The following FSIP2 variants were observed in gnomAD, a reference collection of about 807,000 sequenced individuals.
The protein encoded by FSIP2 is fibrous sheath interacting protein 2.
FSIP2 carries 367 observed loss-of-function variants against 510.5 expected under a neutral mutation model. The observed-to-expected ratio is 0.72, with a 90% CI of 0.66 to 0.78. FSIP2 has a LOEUF of 0.78. Among genes scored for constraint, FSIP2 ranks in the 30% least tolerant of loss-of-function variants. The probability of loss-of-function intolerance (pLI) is 0.00; values close to 1 mark genes in which losing one functional copy is unlikely to be tolerated. For synonymous variants in FSIP2, 2,601 were observed against 2,732.2 expected, an observed-to-expected ratio of 0.95 and a Z score of 1.50; for missense variants, 7,594 against 7,901.7, an observed-to-expected ratio of 0.96 and a Z score of 1.48.
chr2:185,791,293 C>A lies in FSIP2; in HGVS notation c.4157C>A (p.Ala1386Glu). 1 of 1,534,074 alleles carries A rather than the reference C, an allele frequency of 6.5e-7. No individual in the cohort carries two copies. The highest frequency in any genetic ancestry group is 8.7e-7 in the Non-Finnish European group (1 of 1,145,532). ...CTCTCTTCTCGTAAGCCAAAGTCTG[C>A]AACTGACAGTGTTGATGTACAAAGC... ...ISLSSRKPKS[A>E]TDSVDVQSIL... Residue 1386 changes from alanine (A) to glutamate (E), a missense_variant, in exon 16 of 23, where the codon GCA becomes GAA. Physicochemically the swap from Ala to Glu is moderately radical, Grantham distance 107. Transcript: ENST00000424728.
chr2:185,807,318 T>A lies in FSIP2; in HGVS notation c.18012T>A (p.Tyr6004Ter). ...AAGAATGTCAAACTTCATCACCATA[T>A]ACAATAATATTACCTCATAAATTTT... is the stretch of plus-strand genomic sequence containing the variant. ...ASKECQTSSP[Y>*]TIILPHKFLE... Residue 6004 changes from tyrosine to a stop codon, truncating the protein, a stop_gained, in exon 17 of 23, where the codon TAT becomes TAA. Coordinates refer to ENST00000424728, the MANE Select transcript of FSIP2 (RefSeq NM_173651.4). LOFTEE classifies it high-confidence loss of function. 2.5e-6 allele frequency: 4 copies of A among 1,612,490 alleles called. No homozygotes were observed. Among genetic ancestry groups the A allele is most frequent in the Non-Finnish European group, 3.4e-6 (4 of 1,179,134 alleles).
In FSIP2 at chr2:185,803,381, A is replaced by G. The variant is rs1407711482; in HGVS notation, c.14075A>G (p.Asp4692Gly). The G allele has an allele frequency of 6.5e-7, 1 of 1,533,180 alleles. No individual in the cohort carries two copies. The highest frequency in any genetic ancestry group is 8.7e-7 in the Non-Finnish European group (1 of 1,144,964). The allele number at this position is 1,533,180 out of a possible 1,614,324, so 95.0% of individuals were successfully genotyped here. A position where few individuals can be genotyped will look rare whatever the true frequency, so the allele number is the denominator to read the frequency against. ...CTGTGTTTACCTCCAGTGGAGAGGG[A>G]TGTAGTCAAAACAATTGTTGACATG... The part of the protein sequence containing the change: ...ERLCLPPVER[D>G]VVKTIVDMVY... Residue 4692 changes from aspartate to glycine, a missense_variant, in exon 17 of 23, where the codon GAT becomes GGT. Transcript: ENST00000424728.
intron 13 of FSIP2, among the ~76,000 whole-genome samples, chr2:185,768,848 A>G (rs1367983218): frequency 6.6e-6 from 1 of 152,006 alleles, no homozygotes; most frequent in Admixed American, 6.6e-5. Context: ...TTTTCTCATC[A>G]TTTAGCTCCC....
In FSIP2 at chr2:185,793,770, G is replaced by C. The variant is rs1381545220; in HGVS notation, c.6634G>C (p.Glu2212Gln). The change falls in exon 16 of 23, where the codon GAG becomes CAG. Residue 2212 changes from glutamate (E) to glutamine (Q), a missense_variant. Coordinates refer to ENST00000424728, the MANE Select transcript of FSIP2 (RefSeq NM_173651.4). ...LKGSKTERKT[E>Q]RFSYSRNQKS... ...GGGGTCAAAAACTGAAAGAAAAACAGAGCGTTTTTCATATTCAAGAAATCA... is the reference window on the plus strand; with the variant it reads ...GGGGTCAAAAACTGAAAGAAAAACACAGCGTTTTTCATATTCAAGAAATCA... 8 of 1,532,606 alleles carry C rather than the reference G, an allele frequency of 5.2e-6. No homozygotes were observed. Among genetic ancestry groups the C allele is most frequent in the African/African-American group, 1.4e-5 (1 of 72,716 alleles). The allele number at this position is 1,532,606 out of a possible 1,614,324, so 94.9% of individuals were successfully genotyped here. A position where few individuals can be genotyped will look rare whatever the true frequency, so the allele number is the denominator to read the frequency against.
intron 13 of FSIP2, among the ~76,000 whole-genome samples, chr2:185,779,448 T>C (rs902832952): frequency 6.6e-6 from 1 of 152,080 alleles, no homozygotes; most frequent in Non-Finnish European, 1.5e-5. Flanking sequence ...ATACAATGTA[T>C]AGTGATAAGT....
At chr2:185,824,224 A>C (rs1255573727) in intron 19 of FSIP2, among the ~76,000 whole-genome samples, 1 of 151,888 alleles carries the variant, frequency 6.6e-6, no homozygotes, top group African/African-American at 2.4e-5. Flanking sequence ...AAAATGGTTA[A>C]AATTGTAAAT....
chr2:185,824,320 A>C, intron 19 of FSIP2, 114 bp from the exon 20 acceptor site: 1 of 713,056 alleles, frequency 1.4e-6, no homozygotes, highest in South Asian at 1.7e-5. Flanking sequence ...CTCAGTGAAT[A>C]GTATACTATT....
intron 13 of FSIP2, among the ~76,000 whole-genome samples, chr2:185,777,077 C>T (rs1456809094): frequency 6.6e-6 from 1 of 152,128 alleles, no homozygotes; most frequent in Non-Finnish European, 1.5e-5. Flanking sequence ...TCTGTTGCAG[C>T]TACTCACTCT....
intron 13 of FSIP2, among the ~76,000 whole-genome samples, chr2:185,771,190 T>G (rs1692600673): frequency 6.6e-6 from 1 of 152,204 alleles, no homozygotes; most frequent in Non-Finnish European, 1.5e-5. Context: ...TGCTGGTGGC[T>G]GTACCATGCT....
chr2:185,826,711 C>T (rs1694017205), intron 20 of FSIP2, among the ~76,000 whole-genome samples: 1 of 151,780 alleles, frequency 6.6e-6, no homozygotes, highest in Non-Finnish European at 1.5e-5. Flanking sequence ...GAGCCTAAAA[C>T]ACTATTTTGT....
intron 2 of FSIP2, among the ~76,000 whole-genome samples, chr2:185,741,135 G>C (rs1691914457): frequency 6.6e-6 from 1 of 152,058 alleles, no homozygotes; most frequent in African/African-American, 2.4e-5. Context: ...CATAAACTTA[G>C]AACTGTGGCT....
chr2:185,789,915 G>T lies in FSIP2; in HGVS notation c.2779G>T (p.Ala927Ser). The change falls in exon 16 of 23, where the codon GCA becomes TCA. Residue 927 changes from alanine to serine, a missense_variant. Physicochemically the swap from Ala to Ser is moderately conservative, Grantham distance 99 (BLOSUM62 1). Transcript: ENST00000424728. ...TGAACTAAATAATGAGAGAATTATT[G>T]CATCTGAAGAAACCGTAGTACTCCT... ...QTELNNERIIASEETVVLLQL... is the reference protein window; with the variant it reads ...QTELNNERIISSEETVVLLQL... 1 of 1,532,838 alleles carries T rather than the reference G, an allele frequency of 6.5e-7. No homozygotes were observed. The allele number at this position is 1,532,838 out of a possible 1,614,324, so 95.0% of individuals were successfully genotyped here. A position where few individuals can be genotyped will look rare whatever the true frequency, so the allele number is the denominator to read the frequency against.
In FSIP2 at chr2:185,802,796, T is replaced by C. The variant is rs780050642; in HGVS notation, c.13490T>C (p.Ile4497Thr). The change falls in exon 17 of 23, where the codon ATA becomes ACA. Residue 4497 changes from isoleucine to threonine, a missense_variant. By Grantham distance (89) the Ile-to-Thr change is moderately conservative. Coordinates refer to ENST00000424728, the MANE Select transcript of FSIP2 (RefSeq NM_173651.4). ...CTAAACAGAGACACCCAAAAAGATA[T>C]ATCAAGAGTGAATTTCAATGACATT... ...LVLNRDTQKD[I>T]SRVNFNDIAS... 18 of 1,520,992 alleles carry C rather than the reference T, an allele frequency of 1.2e-5. No homozygotes were observed. Among genetic ancestry groups the C allele is most frequent in the Non-Finnish European group, 1.6e-5 (18 of 1,141,152 alleles). 94.2% of individuals were successfully genotyped at this position (1,520,992 alleles called of 1,614,324 possible). A position where few individuals can be genotyped will look rare whatever the true frequency, so the allele number is the denominator to read the frequency against.
At chr2:185,751,588 G>A (rs1445572253) in intron 7 of FSIP2, among the ~76,000 whole-genome samples, 1 of 150,436 alleles carries the variant, frequency 6.6e-6, no homozygotes, top group African/African-American at 2.4e-5. Flanking sequence ...CATTTAGTGC[G>A]ATTATTAACA....
rs1213579064 is a variant in FSIP2, at chr2:185,790,273, AAAG to A, written c.3140_3142del (p.Arg1047del). The A allele has an allele frequency of 1.1e-5, 17 of 1,533,444 alleles. No individual in the cohort carries two copies. Among genetic ancestry groups the A allele is most frequent in the Non-Finnish European group, 1.5e-5 (17 of 1,145,352 alleles). The allele number at this position is 1,533,444 out of a possible 1,614,324, so 95.0% of individuals were successfully genotyped here. A position where few individuals can be genotyped will look rare whatever the true frequency, so the allele number is the denominator to read the frequency against. On this transcript the variant is annotated inframe_deletion, in exon 16 of 23. Coordinates refer to ENST00000424728, the MANE Select transcript of FSIP2 (RefSeq NM_173651.4). Reference sequence around the variant, plus strand: ...AAGGGAAACACTTGTTTTGAATGCAAAAGAAATATCAAACCACCTACAAAGCCT... The same window carrying A: ...AAGGGAAACACTTGTTTTGAATGCAAAAATATCAAACCACCTACAAAGCCT...
rs969157813 is a variant in FSIP2, at chr2:185,781,939, G to A, written c.1412-766G>A. On this transcript the variant is annotated intron_variant, in intron 13 of 22. Transcript: ENST00000424728. ...TGCAAGCTCCGCCTCCCAGGTTCAC[G>A]CCATTCTCCTGCCTCAGCATCCCCC... Among the ~76,000 whole-genome samples, 109 of 151,866 alleles carry A rather than the reference G, an allele frequency of 7.2e-4. 1 individual carries two copies. The highest frequency in any genetic ancestry group is 2.5e-3 in the African/African-American group (105 of 41,412).
In FSIP2 at chr2:185,742,063, C is replaced by G. The variant is rs180712162; in HGVS notation, c.226-1070C>G. Among the ~76,000 whole-genome samples the G allele has an allele frequency of 8.5e-5, 13 of 152,206 alleles. No homozygotes were observed. The East Asian group carries it at 2.5e-3, about 29-fold the overall frequency. ...AATAGGGCAGGTGCTCTCTGGTTTC[C>G]CATATTACCTACATACTCCAATTAT... On this transcript the variant is annotated intron_variant, in intron 2 of 22. Coordinates refer to ENST00000424728, the MANE Select transcript of FSIP2 (RefSeq NM_173651.4).
chr2:185,757,464 T>C (rs912529529), intron 9 of FSIP2, among the ~76,000 whole-genome samples: 1 of 151,392 alleles, frequency 6.6e-6, no homozygotes, highest in African/African-American at 2.4e-5. Context: ...ATCTACTCTC[T>C]TGTTTCAGTG....
Position 185,801,164 on chromosome 2 carries a change from A to G in FSIP2, c.11858A>G (p.Asp3953Gly), listed in dbSNP as rs747479370. ...GAAAGACAGAGAACAAAGGAAATGGATAAGGTAGCCATTCATAATAAGCTA... is the reference window on the plus strand; with the variant it reads ...GAAAGACAGAGAACAAAGGAAATGGGTAAGGTAGCCATTCATAATAAGCTA... ...PFERQRTKEM[D>G]KVAIHNKLHQ... The change falls in exon 17 of 23, where the codon GAT becomes GGT. Residue 3953 changes from aspartate (D) to glycine (G), a missense_variant. By Grantham distance (94) the Asp-to-Gly change is moderately conservative. Coordinates refer to ENST00000424728, the MANE Select transcript of FSIP2 (RefSeq NM_173651.4). The G allele has an allele frequency of 3.7e-5, 56 of 1,533,694 alleles. No homozygotes were observed. The African/African-American group carries it at 7.3e-4, about 20-fold the overall frequency.
Sources: allele counts gnomAD v4.1 joint callset (sites outside exome capture counted in the v4.1 genomes callset), GRCh38; gene constraint gnomAD v4.1.1; transcripts MANE v1.5; gene names NCBI Gene and HGNC (gene_info 2026-07-23, HGNC 2026-07-21).